CAMKMT: variants seen among roughly 807,000 people sequenced by gnomAD.
The protein encoded by CAMKMT is CaM KMT.
CAMKMT carries 53 observed loss-of-function variants against 48.0 expected under a neutral mutation model. The ratio of observed to expected loss-of-function variants is 1.10; its 90% confidence interval spans 0.89 to 1.39. CAMKMT has a LOEUF of 1.39. CAMKMT is among the 40% of genes most tolerant of loss of function. The probability of loss-of-function intolerance (pLI) is 0.00; values close to 1 mark genes in which losing one functional copy is unlikely to be tolerated. For missense variants in CAMKMT, 428 were observed against 402.7 expected (o/e 1.06, Z -0.54); for synonymous variants, 165 against 152.3 (o/e 1.08, Z -0.61).
intron 8 of CAMKMT, among the ~76,000 whole-genome samples, chr2:44,745,515 T>G (rs917984261): frequency 3.3e-5 from 5 of 152,284 alleles, no homozygotes; most frequent in Admixed American, 3.3e-4. Flanking sequence ...TACACACACA[T>G]AACATAATAT....
intron 3 of CAMKMT, among the ~76,000 whole-genome samples, chr2:44,569,764 T>A (rs1668808990): frequency 6.6e-6 from 1 of 152,232 alleles, no homozygotes; most frequent in Non-Finnish European, 1.5e-5. Flanking sequence ...CAGTCATTAC[T>A]CATTTAGTCC....
chr2:44,443,964 T>C lies in CAMKMT; in HGVS notation c.376+53659T>C, dbSNP rs201476326. On this transcript the variant is annotated intron_variant, in intron 3 of 10. Coordinates refer to ENST00000378494, the MANE Select transcript of CAMKMT (RefSeq NM_024766.5). Reference sequence around the variant, plus strand: ...CTTTTAAATGTCTTGTACAATTTTATTTATAGTAGTCTTTTAAGGGTCTAA... The same window carrying C: ...CTTTTAAATGTCTTGTACAATTTTACTTATAGTAGTCTTTTAAGGGTCTAA... 5.9e-5 allele frequency among the ~76,000 whole-genome samples: 9 copies of C among 152,292 alleles called. No homozygotes were observed. The East Asian group carries it at 1.5e-3, about 26-fold the overall frequency.
At chr2:44,711,812 G>A (rs1677893349) in intron 6 of CAMKMT, among the ~76,000 whole-genome samples, 1 of 152,116 alleles carries the variant, frequency 6.6e-6, no homozygotes, top group Admixed American at 6.6e-5. Flanking sequence ...CTAACAAATA[G>A]GTATCATTAC....
At chr2:44,654,896 A>G (rs79751306) in intron 3 of CAMKMT, among the ~76,000 whole-genome samples, 1,667 of 152,282 alleles carry the variant, frequency 0.011, 25 homozygotes, top group African/African-American at 0.037. Context: ...ACCATTCTTA[A>G]TGGTTGCAGA....
At chr2:44,493,354 G>A (rs1451974528) in intron 3 of CAMKMT, among the ~76,000 whole-genome samples, 5 of 152,124 alleles carry the variant, frequency 3.3e-5, no homozygotes, top group Non-Finnish European at 7.4e-5. Context: ...TGAAAACAAA[G>A]TAGCAAAACT....
At chr2:44,622,040 T>G (rs770653124) in intron 3 of CAMKMT, among the ~76,000 whole-genome samples, 1 of 152,194 alleles carries the variant, frequency 6.6e-6, no homozygotes, top group Non-Finnish European at 1.5e-5. Flanking sequence ...ACTTCTAAAT[T>G]ATTGGCTTGA....
At position 44,498,128 on chromosome 2, in the gene CAMKMT, T is replaced by C. The variant is rs1669845395; in HGVS notation, c.376+107823T>C. Among the ~76,000 whole-genome samples, 3 of 152,166 alleles carry C rather than the reference T, an allele frequency of 2.0e-5. No homozygotes were observed. The East Asian group carries it at 5.8e-4, about 29-fold the overall frequency. On this transcript the variant is annotated intron_variant, in intron 3 of 10. Coordinates refer to ENST00000378494, the MANE Select transcript of CAMKMT (RefSeq NM_024766.5). ...CCTTGGGAGTTCAAGTATGTGTCTA[T>C]TGAGAGAGATCCATCATAGCACCTT...
intron 3 of CAMKMT, among the ~76,000 whole-genome samples, chr2:44,410,218 T>TGAAATGTCATCAGTAGATTAGTAAATATG (rs1683093378): frequency 2.3e-5 from 2 of 86,212 alleles, no homozygotes; most frequent in Non-Finnish European, 5.5e-5. Flanking sequence ...CTTAAGTAAT[T>TGAAATGTCATCAGTAGATTAGTAAATATG]AGTCAGGTAT....
chr2:44,427,848 C>CAATAG (rs1684380317), intron 3 of CAMKMT, among the ~76,000 whole-genome samples: 1 of 152,140 alleles, frequency 6.6e-6, no homozygotes, highest in Non-Finnish European at 1.5e-5. Flanking sequence ...CTTTGACCCC[C>CAATAG]TCATGGGACT....
At chr2:44,418,800 G>A (rs1683739369) in intron 3 of CAMKMT, among the ~76,000 whole-genome samples, 1 of 152,144 alleles carries the variant, frequency 6.6e-6, no homozygotes, top group Non-Finnish European at 1.5e-5. Flanking sequence ...ATTTTGATTG[G>A]ATGGCACTAA....
chr2:44,662,510 G>A (rs113874981), intron 3 of CAMKMT, among the ~76,000 whole-genome samples: 6 of 152,306 alleles, frequency 3.9e-5, no homozygotes, highest in East Asian at 1.9e-4. Context: ...GCAATTGTAC[G>A]TGCACATTCA....
chr2:44,523,701 G>A (rs1423014543), intron 3 of CAMKMT, among the ~76,000 whole-genome samples: 2 of 151,164 alleles, frequency 1.3e-5, no homozygotes, highest in Non-Finnish European at 2.9e-5. Context: ...ACCTGTATAT[G>A]ACCTCTATGG....
At position 44,588,303 on chromosome 2, in the gene CAMKMT, A is replaced by AG. The variant is rs373872275; in HGVS notation, c.377-115971dup. 2.3e-3 allele frequency among the ~76,000 whole-genome samples: 95 copies of AG among 41,578 alleles called. 11 individuals carry two copies. Among genetic ancestry groups the AG allele is most frequent in the Admixed American group, 6.0e-3 (23 of 3,846 alleles). The allele number at this position is 41,578 out of a possible 152,430, so 27.3% of individuals were successfully genotyped here. ...CCGGCAGCCACCCCGTCCGGGAGGG[A>AG]GGGGGGGGGTCAGCCCCCCGCCCGG... On this transcript the variant is annotated intron_variant, in intron 3 of 10. Coordinates refer to ENST00000378494, the MANE Select transcript of CAMKMT (RefSeq NM_024766.5).
At chr2:44,546,583 A>G (rs1667424015) in intron 3 of CAMKMT, among the ~76,000 whole-genome samples, 1 of 152,200 alleles carries the variant, frequency 6.6e-6, no homozygotes, top group Non-Finnish European at 1.5e-5. Flanking sequence ...CACTCATAAT[A>G]TGAATCAATA....
At chr2:44,416,267 A>G (rs1415898802) in intron 3 of CAMKMT, among the ~76,000 whole-genome samples, 2 of 152,188 alleles carry the variant, frequency 1.3e-5, no homozygotes, top group Non-Finnish European at 2.9e-5. Flanking sequence ...TGTATGATTT[A>G]GTTTACTCTT....
Position 44,686,233 on chromosome 2 carries a change from A to G in CAMKMT, c.377-18050A>G, listed in dbSNP as rs556781720. Among the ~76,000 whole-genome samples the G allele has an allele frequency of 3.9e-5, 6 of 152,178 alleles. No homozygotes were observed. In the East Asian group the frequency reaches 7.7e-4, roughly 20 times the overall value. On this transcript the variant is annotated intron_variant, in intron 3 of 10. Coordinates refer to ENST00000378494, the MANE Select transcript of CAMKMT (RefSeq NM_024766.5). ...ACGATGAAACACCGTATCTACTAAA[A>G]ATACAAAAAATTAGCCGGGCATGGT...
intron 3 of CAMKMT, among the ~76,000 whole-genome samples, chr2:44,586,876 G>A (rs1410390383): frequency 6.6e-6 from 1 of 152,164 alleles, no homozygotes; most frequent in Non-Finnish European, 1.5e-5. Flanking sequence ...AACTTTTAAA[G>A]AAACTGCCAA....
intron 3 of CAMKMT, chr2:44,456,876 C>G: frequency 2.9e-6 from 1 of 346,566 alleles, no homozygotes; most frequent in Non-Finnish European, 5.2e-6. Context: ...TAACTCTTAA[C>G]TCATTCAAGC....
chr2:44,533,385 C>G (rs532549847), intron 3 of CAMKMT, among the ~76,000 whole-genome samples: 6 of 151,446 alleles, frequency 4.0e-5, no homozygotes, highest in Non-Finnish European at 7.4e-5. Context: ...ATTACAGGTG[C>G]CCACCACCAC....
Sources: gnomAD v4.1 joint callset for allele counts (sites outside exome capture counted in the v4.1 genomes callset) on GRCh38, gnomAD v4.1.1 for gene constraint, MANE v1.5 for transcripts, NCBI Gene and HGNC (gene_info 2026-07-23, HGNC 2026-07-21) for gene names.